The following GPC5 variants were observed in gnomAD, a reference collection of about 807,000 sequenced individuals.
GPC5 encodes glypican-5.
In GPC5, 47 loss-of-function variants were observed where a neutral mutation model predicts 53.9. The observed-to-expected ratio is 0.87, with a 90% CI of 0.69 to 1.11. The LOEUF (loss-of-function observed/expected upper bound fraction) is 1.11, where lower values mean the gene tolerates loss of function less well. Ranked by LOEUF, GPC5 falls within the 50% of genes most tolerant of loss-of-function variation. The probability of loss-of-function intolerance (pLI) is 0.00; values close to 1 mark genes in which losing one functional copy is unlikely to be tolerated. For synonymous variants in GPC5, 286 were observed against 263.3 expected, an observed-to-expected ratio of 1.09 and a Z score of -0.84; for missense variants, 748 against 713.1, an observed-to-expected ratio of 1.05 and a Z score of -0.56.
intron 7 of GPC5, among the ~76,000 whole-genome samples, chr13:92,547,830 T>A (rs1207791015): frequency 7.1e-6 from 1 of 141,178 alleles, no homozygotes; most frequent in South Asian, 2.3e-4. Flanking sequence ...TTTTTTTTTT[T>A]TTTTTTTTTT....
At chr13:91,664,930 C>A (rs1347654704) in intron 2 of GPC5, among the ~76,000 whole-genome samples, 1 of 152,218 alleles carries the variant, frequency 6.6e-6, no homozygotes, top group Admixed American at 6.5e-5. Flanking sequence ...CTTCCCACTT[C>A]ATTCTCATAT....
At chr13:91,992,967 G>C (rs1236457092) in intron 6 of GPC5, among the ~76,000 whole-genome samples, 1 of 152,110 alleles carries the variant, frequency 6.6e-6, no homozygotes, top group Non-Finnish European at 1.5e-5. Context: ...GTAACACAAA[G>C]GAACAGAGTT....
intron 2 of GPC5, among the ~76,000 whole-genome samples, chr13:91,501,392 C>G (rs1171713098): frequency 6.6e-6 from 1 of 151,918 alleles, no homozygotes; most frequent in East Asian, 1.9e-4. Flanking sequence ...CTATCCCTAC[C>G]CCCTCTCCCC....
intron 7 of GPC5, among the ~76,000 whole-genome samples, chr13:92,438,200 G>A (rs759095741): frequency 5.9e-5 from 9 of 151,698 alleles, no homozygotes; most frequent in Non-Finnish European, 1.0e-4. Context: ...TAAAATACGA[G>A]CTGTATAAGG....
chr13:92,143,567 C>T (rs1005636445), intron 6 of GPC5, among the ~76,000 whole-genome samples: 5 of 152,066 alleles, frequency 3.3e-5, no homozygotes, highest in Admixed American at 3.3e-4. Flanking sequence ...CACCTATTGA[C>T]TTTGTTTGCA....
chr13:91,701,524 C>CT (rs1226316728), intron 3 of GPC5, among the ~76,000 whole-genome samples: 1 of 151,514 alleles, frequency 6.6e-6, no homozygotes, highest in African/African-American at 2.4e-5. Flanking sequence ...GAATTTCTTT[C>CT]TTTTTAAGGC....
At chr13:92,080,160 G>T (rs1258796224) in intron 6 of GPC5, among the ~76,000 whole-genome samples, 1 of 152,054 alleles carries the variant, frequency 6.6e-6, no homozygotes, top group Non-Finnish European at 1.5e-5. Flanking sequence ...CTTTCTACCT[G>T]CTTCTCAGAC....
In GPC5 at chr13:91,886,671, T is replaced by C. The variant is rs369517051; in HGVS notation, c.1281-21266T>C. ...GCCTGTTCCAAATGGGAGAAATTGGTCGAAACGAAGGGGCTACAGGCTCCA... is the reference window on the plus strand; with the variant it reads ...GCCTGTTCCAAATGGGAGAAATTGGCCGAAACGAAGGGGCTACAGGCTCCA... On this transcript the variant is annotated intron_variant, in intron 5 of 7. Transcript: ENST00000377067. 1.6e-3 allele frequency among the ~76,000 whole-genome samples: 236 copies of C among 152,232 alleles called. 1 individual carries two copies. The Middle Eastern group carries it at 0.054, about 35-fold the overall frequency.
chr13:91,663,722 C>T (rs1031687565), intron 2 of GPC5, among the ~76,000 whole-genome samples: 2 of 152,162 alleles, frequency 1.3e-5, no homozygotes, highest in Admixed American at 6.5e-5. Context: ...CATCAGCCTC[C>T]TGAGTTGTTG....
chr13:91,797,884 G>A (rs146970278), intron 5 of GPC5, among the ~76,000 whole-genome samples: 17 of 152,312 alleles, frequency 1.1e-4, no homozygotes, highest in African/African-American at 3.1e-4. Flanking sequence ...GATTGACAGC[G>A]TGGTTGACAC....
intron 7 of GPC5, among the ~76,000 whole-genome samples, chr13:92,758,354 T>G: frequency 6.8e-6 from 1 of 147,516 alleles, no homozygotes; most frequent in Non-Finnish European, 1.5e-5. Context: ...AGGGATAGCT[T>G]TGGGAGATAT....
At chr13:92,604,106 G>T (rs1400066721) in intron 7 of GPC5, among the ~76,000 whole-genome samples, 2 of 152,122 alleles carry the variant, frequency 1.3e-5, no homozygotes, top group Non-Finnish European at 2.9e-5. Context: ...TTAATAAATT[G>T]CATGTTAACT....
intron 7 of GPC5, among the ~76,000 whole-genome samples, chr13:92,386,529 G>A (rs989999316): frequency 2.6e-5 from 4 of 151,832 alleles, no homozygotes; most frequent in African/African-American, 7.3e-5. Flanking sequence ...GTGTTCTGGC[G>A]GACTTATTTT....
intron 7 of GPC5, among the ~76,000 whole-genome samples, chr13:92,461,940 G>A (rs1878499460): frequency 6.6e-6 from 1 of 152,176 alleles, no homozygotes; most frequent in Admixed American, 6.6e-5. Context: ...TGTGAAGTGA[G>A]GGAGATAAAG....
chr13:91,844,579 A>G (rs2038826955), intron 5 of GPC5, among the ~76,000 whole-genome samples: 1 of 152,164 alleles, frequency 6.6e-6, no homozygotes, highest in Admixed American at 6.5e-5. Flanking sequence ...GGGAATCTAG[A>G]CCTCAGGGAG....
chr13:92,562,447 G>T (rs1882730958), intron 7 of GPC5, among the ~76,000 whole-genome samples: 1 of 152,002 alleles, frequency 6.6e-6, no homozygotes, highest in South Asian at 2.1e-4. Flanking sequence ...CCATTAGAGG[G>T]CACTGAGATA....
rs556842811 is a variant in GPC5 at position 91,973,569 on chromosome 13, T to C, written c.1401+65512T>C. 5.9e-5 allele frequency among the ~76,000 whole-genome samples: 9 copies of C among 152,342 alleles called. No homozygotes were observed. The South Asian group carries it at 1.9e-3, about 32-fold the overall frequency. The stretch of plus-strand genomic sequence containing the variant: ...TGCTTTTTAGAGTTTCCGGTTTTTC[T>C]GCTCTGTTTTTTCCCCATCTTTGTG... On this transcript the variant is annotated intron_variant, in intron 6 of 7. Coordinates refer to ENST00000377067, the MANE Select transcript of GPC5 (RefSeq NM_004466.6).
chr13:91,744,506 T>C (rs1566654441), intron 4 of GPC5, among the ~76,000 whole-genome samples: 2 of 152,118 alleles, frequency 1.3e-5, no homozygotes, highest in African/African-American at 4.8e-5. Context: ...GATCTGAAAA[T>C]GCAAGCATGA....
At chr13:92,385,014 T>G (rs2043780468) in intron 7 of GPC5, among the ~76,000 whole-genome samples, 1 of 152,058 alleles carries the variant, frequency 6.6e-6, no homozygotes, top group South Asian at 2.1e-4. Context: ...GTGATTCCAG[T>G]TTGCTGCACC....
Sources: allele counts gnomAD v4.1 joint callset (sites outside exome capture counted in the v4.1 genomes callset), GRCh38; gene constraint gnomAD v4.1.1; transcripts MANE v1.5; gene names NCBI Gene and HGNC (gene_info 2026-07-23, HGNC 2026-07-21).